Variants in CERS4 observed in about 807,000 individuals in gnomAD.
The protein encoded by CERS4 is ceramide synthase 4.
A neutral mutation model predicts 51.8 loss-of-function variants in CERS4; 65 were observed. The ratio of observed to expected loss-of-function variants is 1.26; its 90% confidence interval spans 1.03 to 1.54. The LOEUF (loss-of-function observed/expected upper bound fraction) is 1.54. Among genes scored for constraint, CERS4 ranks in the 40% most tolerant of loss-of-function variants. The pLI, the probability that CERS4 is intolerant of heterozygous loss-of-function variation, is 0.00. For missense variants in CERS4, 563 were observed against 500.4 expected (o/e 1.13, Z -1.19); for synonymous variants, 228 against 208.4 (o/e 1.09, Z -0.81).
chr19:8,233,323 A>G (rs2927723), intron 2 of CERS4, among the ~76,000 whole-genome samples: 151,524 of 151,586 alleles, frequency 1, 75,731 homozygotes, highest in Middle Eastern at 1. Context: ...GTACCACCAC[A>G]CCCAGCTAAT....
At chr19:8,216,462 C>A (rs1352770125) in intron 2 of CERS4, among the ~76,000 whole-genome samples, 1 of 151,412 alleles carries the variant, frequency 6.6e-6, no homozygotes. Flanking sequence ...CTCCACCTGA[C>A]AATAACAAAA....
chr19:8,255,379 G>A (rs560891410), intron 4 of CERS4, among the ~76,000 whole-genome samples: 7 of 152,230 alleles, frequency 4.6e-5, no homozygotes, highest in South Asian at 2.1e-4. Context: ...TCCCATCCCC[G>A]TCAGCGACCT....
At chr19:8,240,614 G>GTGTGTGTGTGT (rs148847272) in intron 2 of CERS4, 1 of 152,400 alleles carries the variant, frequency 6.6e-6, no homozygotes. Context: ...GTGTGTGTGT[G>GTGTGTGTGTGT]TTTTCATCTC....
chr19:8,230,353 C>A (rs1287646500), intron 2 of CERS4, among the ~76,000 whole-genome samples: 1 of 151,998 alleles, frequency 6.6e-6, no homozygotes, highest in Admixed American at 6.6e-5. Flanking sequence ...CCACGCCTGG[C>A]CAATTTTTGT....
At chr19:8,218,957 A>G (rs528653501) in intron 2 of CERS4, among the ~76,000 whole-genome samples, 54 of 152,304 alleles carry the variant, frequency 3.5e-4, no homozygotes, top group Non-Finnish European at 7.4e-4. Flanking sequence ...CTGTAATCCC[A>G]GCACTTTGGG....
At chr19:8,239,528 G>T (rs1266287556) in intron 2 of CERS4, 1 of 152,306 alleles carries the variant, frequency 6.6e-6, no homozygotes, top group Non-Finnish European at 1.5e-5. Flanking sequence ...GTAGGCCTGG[G>T]GAGGCCTCCG....
intron 2 of CERS4, among the ~76,000 whole-genome samples, chr19:8,224,497 A>G (rs1240246985): frequency 6.6e-6 from 1 of 151,980 alleles, no homozygotes; most frequent in East Asian, 1.9e-4. Flanking sequence ...AACCCAGCCC[A>G]GCGGCGATTG....
intron 2 of CERS4, chr19:8,239,435 A>G (rs1397969296): frequency 6.6e-6 from 1 of 152,356 alleles, no homozygotes; most frequent in Non-Finnish European, 1.5e-5. Flanking sequence ...GAAAAATTGC[A>G]TGATTAGCTT....
intron 2 of CERS4, among the ~76,000 whole-genome samples, chr19:8,234,078 G>A (rs1259233605): frequency 4.6e-5 from 7 of 151,828 alleles, no homozygotes; most frequent in East Asian, 1.9e-4. Flanking sequence ...AGGCCGAGGC[G>A]GGCGGATCAC....
chr19:8,252,964 T>C (rs576846574), intron 3 of CERS4, among the ~76,000 whole-genome samples: 6 of 152,266 alleles, frequency 3.9e-5, no homozygotes, highest in African/African-American at 9.6e-5. Context: ...ATTAGGACAA[T>C]AGGAACTGAG....
intron 2 of CERS4, among the ~76,000 whole-genome samples, chr19:8,211,772 A>T (rs1356751456): frequency 6.6e-6 from 1 of 151,588 alleles, no homozygotes; most frequent in East Asian, 1.9e-4. Context: ...TGTACCTGTA[A>T]TCTCAGCTGC....
chr19:8,242,276 CAG>C (rs1265314719), intron 2 of CERS4, among the ~76,000 whole-genome samples: 1 of 152,176 alleles, frequency 6.6e-6, no homozygotes, highest in Non-Finnish European at 1.5e-5. Context: ...AGGGACGAGA[CAG>C]AGACAGGTTG....
At chr19:8,260,971 AAAAAAACAAG>A (rs1004485223) in intron 10 of CERS4, 13 of 151,038 alleles carry the variant, frequency 8.6e-5, no homozygotes, top group African/African-American at 3.0e-4. Context: ...AAAAAAAAAA[AAAAAAACAAG>A]AACCACAGCT....
chr19:8,223,758 C>T (rs1044395416), intron 2 of CERS4, among the ~76,000 whole-genome samples: 3 of 152,008 alleles, frequency 2.0e-5, no homozygotes, highest in African/African-American at 7.2e-5. Context: ...TGCACTCCAG[C>T]CTGGGCAACA....
At chr19:8,256,890 G>A in intron 8 of CERS4, 59 bp from the exon 9 acceptor site, 1 of 1,612,372 alleles carries the variant, frequency 6.2e-7, no homozygotes, top group Non-Finnish European at 8.5e-7. Context: ...TTGGCCCATA[G>A]GGTGGGGGAC....
At chr19:8,215,892 G>A (rs1440524049) in intron 2 of CERS4, among the ~76,000 whole-genome samples, 1 of 152,158 alleles carries the variant, frequency 6.6e-6, no homozygotes, top group African/African-American at 2.4e-5. Flanking sequence ...TGGTCCTCTG[G>A]GTTTTGTTTC....
chr19:8,259,983 C>T (rs1301181386), intron 10 of CERS4, among the ~76,000 whole-genome samples: 1 of 151,990 alleles, frequency 6.6e-6, no homozygotes, highest in Admixed American at 6.6e-5. Context: ...GTCTTGGTTT[C>T]AAGGCCTGAG....
intron 2 of CERS4, among the ~76,000 whole-genome samples, chr19:8,245,122 A>ACAAAACAAACAAAAAAAC (rs755450125): frequency 7.7e-6 from 1 of 129,258 alleles, no homozygotes; most frequent in South Asian, 2.4e-4. Flanking sequence ...AAAAAAAAAA[A>ACAAAACAAACAAAAAAAC]AAAAAAAAAA....
intron 2 of CERS4, among the ~76,000 whole-genome samples, chr19:8,240,901 T>G (rs1223193401): frequency 6.6e-6 from 1 of 151,510 alleles, no homozygotes; most frequent in Non-Finnish European, 1.5e-5. Context: ...TCCCCCAATC[T>G]GGGGCTATTT....
Sources: allele counts gnomAD v4.1 joint callset (sites outside exome capture counted in the v4.1 genomes callset), GRCh38; gene constraint gnomAD v4.1.1; transcripts MANE v1.5; gene names NCBI Gene and HGNC (gene_info 2026-07-23, HGNC 2026-07-21).